PCGF3: variants seen among roughly 807,000 people sequenced by gnomAD.
PCGF3 encodes polycomb group RING finger protein 3.
A neutral mutation model predicts 33.1 loss-of-function variants in PCGF3; 7 were observed. That is an observed-to-expected ratio of 0.21 (90% CI 0.12 to 0.40). The LOEUF is 0.40. PCGF3 is among the 10% of genes least tolerant of loss of function. PCGF3 has a pLI of 1.00. For missense variants in PCGF3, 211 were observed against 313.3 expected (o/e 0.67, Z 2.46); for synonymous variants, 153 against 121.3 (o/e 1.26, Z -1.72).
At chr4:735,534 G>A (rs1396085005) in intron 5 of PCGF3, among the ~76,000 whole-genome samples, 1 of 132,958 alleles carries the variant, frequency 7.5e-6, no homozygotes, top group Non-Finnish European at 1.7e-5. Flanking sequence ...GACAGAGCGA[G>A]ACTCTGTCTC....
intron 6 of PCGF3, among the ~76,000 whole-genome samples, chr4:741,347 T>G (rs1030167568): frequency 8.5e-5 from 13 of 152,252 alleles, no homozygotes; most frequent in Non-Finnish European, 1.6e-4. Flanking sequence ...GCTCCTCAGA[T>G]CAGGCTGGAC....
In PCGF3 at chr4:721,625, G is replaced by A. The variant is rs948354157; in HGVS notation, c.-189-9005G>A. Among the ~76,000 whole-genome samples, 3 of 152,134 alleles carry A rather than the reference G, an allele frequency of 2.0e-5. No homozygotes were observed. Among genetic ancestry groups the A allele is most frequent in the Non-Finnish European group, 2.9e-5 (2 of 68,020 alleles). On this transcript the variant is annotated intron_variant, in intron 1 of 10. Coordinates refer to ENST00000362003, the Ensembl canonical transcript of PCGF3. The surrounding 1 kb of genome is among the most constrained non-coding windows in gnomAD (Gnocchi z 4.1). Reference sequence around the variant, plus strand: ...CAGGACAGAGAAGCTCCTGGTGAGCGGGGCTGCTGAACGCAGGCCCCAGGG... The same window carrying A: ...CAGGACAGAGAAGCTCCTGGTGAGCAGGGCTGCTGAACGCAGGCCCCAGGG...
chr4:721,753 G>A lies in PCGF3; in HGVS notation c.-189-8877G>A, dbSNP rs1743085518. Among the ~76,000 whole-genome samples, 2 of 102,442 alleles carry A rather than the reference G, an allele frequency of 2.0e-5. No individual in the cohort carries two copies. Among genetic ancestry groups the A allele is most frequent in the South Asian group, 7.1e-4 (2 of 2,802 alleles). 67.2% of individuals were successfully genotyped at this position (102,442 alleles called of 152,430 possible). On this transcript the variant is annotated intron_variant, in intron 1 of 10. Transcript: ENST00000362003. The surrounding 1 kb of genome is among the most constrained non-coding windows in gnomAD (Gnocchi z 4.1). Reference sequence around the variant, plus strand: ...GTCTCTGTGTATGGGCATGGGGAGGGGCCTGTGGGAGGTGGATGGGTTGGG... The same window carrying A: ...GTCTCTGTGTATGGGCATGGGGAGGAGCCTGTGGGAGGTGGATGGGTTGGG...
intron 1 of PCGF3, among the ~76,000 whole-genome samples, chr4:728,113 A>G (rs1381103414): frequency 6.6e-6 from 1 of 152,204 alleles, no homozygotes. Flanking sequence ...CAAGTTCATC[A>G]TATCTTGTCC....
At chr4:749,136 A>AT (rs1744399964) in intron 8 of PCGF3, among the ~76,000 whole-genome samples, 1 of 152,242 alleles carries the variant, frequency 6.6e-6, no homozygotes, top group Non-Finnish European at 1.5e-5. Flanking sequence ...AAAAGGGCCA[A>AT]TTTTTTTAAA....
intron 9 of PCGF3, among the ~76,000 whole-genome samples, chr4:763,375 AGT>A (rs1011077890): frequency 6.6e-6 from 1 of 152,030 alleles, no homozygotes; most frequent in Non-Finnish European, 1.5e-5. Flanking sequence ...TCCAGGGAAG[AGT>A]GTGAGGTTTG....
At chr4:758,382 G>C (rs11248038) in intron 8 of PCGF3, among the ~76,000 whole-genome samples, 121,076 of 135,940 alleles carry the variant, frequency 0.89, 53,567 homozygotes, top group African/African-American at 0.95. Context: ...GCCCCTCTCC[G>C]GAGTTCTTCT....
intron 8 of PCGF3, among the ~76,000 whole-genome samples, chr4:754,837 C>A (rs889066647): frequency 6.6e-6 from 1 of 152,186 alleles, no homozygotes; most frequent in African/African-American, 2.4e-5. Context: ...ACCAGGCAGG[C>A]GTCTGAGCCA....
intron 8 of PCGF3, among the ~76,000 whole-genome samples, chr4:750,750 C>T (rs17721766): frequency 0.031 from 4,758 of 152,172 alleles, 129 homozygotes; most frequent in South Asian, 0.086. Flanking sequence ...TGTAACCTCG[C>T]GGTGTTGCTT....
At chr4:756,997 A>G (rs567317806) in intron 8 of PCGF3, 3 of 152,336 alleles carry the variant, frequency 2.0e-5, no homozygotes, top group East Asian at 1.9e-4. Flanking sequence ...GTGTATTTAA[A>G]TAGGTAATTC....
At chr4:733,600 T>C in intron 3 of PCGF3, 72 bp from the exon 4 acceptor site, 2 of 1,485,376 alleles carry the variant, frequency 1.3e-6, no homozygotes, top group South Asian at 2.6e-5. Context: ...TGGGGGCGGC[T>C]GTCAGAGCTC....
chr4:735,756 G>A (rs918497062), intron 5 of PCGF3, among the ~76,000 whole-genome samples: 4 of 152,220 alleles, frequency 2.6e-5, no homozygotes, highest in Non-Finnish European at 5.9e-5. Context: ...TTCTCCCTGC[G>A]CTGTGCTCTT....
chr4:748,041 G>T (rs574723889), intron 8 of PCGF3, among the ~76,000 whole-genome samples: 1 of 152,170 alleles, frequency 6.6e-6, no homozygotes, highest in African/African-American at 2.4e-5. Context: ...TTACGTGAAA[G>T]AAAGTAAAGC....
At chr4:762,197 TTAAA>T (rs1379433557) in intron 9 of PCGF3, 8 of 614,418 alleles carry the variant, frequency 1.3e-5, no homozygotes, top group African/African-American at 2.0e-5. Flanking sequence ...GTAGATATAA[TTAAA>T]TAAAGGATTT....
At chr4:723,136 C>T (rs549684397) in intron 1 of PCGF3, among the ~76,000 whole-genome samples, 3 of 150,568 alleles carry the variant, frequency 2.0e-5, no homozygotes, top group African/African-American at 7.3e-5. Context: ...CGGGTCCACA[C>T]TCAGTCATCG....
At chr4:728,425 G>A (rs1221822648) in intron 1 of PCGF3, among the ~76,000 whole-genome samples, 2 of 151,556 alleles carry the variant, frequency 1.3e-5, no homozygotes, top group Non-Finnish European at 2.9e-5. Flanking sequence ...GTGCGTGGGG[G>A]GTGGCGTGCA....
At chr4:730,379 C>G (rs553193923) in intron 1 of PCGF3, among the ~76,000 whole-genome samples, 1 of 152,278 alleles carries the variant, frequency 6.6e-6, no homozygotes, top group African/African-American at 2.4e-5. Context: ...TGCCCCCCCA[C>G]CCCCGTGGGC....
chr4:734,290 G>T, intron 4 of PCGF3: 1 of 1,457,298 alleles, frequency 6.9e-7, no homozygotes, highest in Non-Finnish European at 9.1e-7. Context: ...CTGAGGCTCG[G>T]CTCTTATGCT....
chr4:717,958 G>T (rs1742925713), intron 1 of PCGF3, among the ~76,000 whole-genome samples: 1 of 152,232 alleles, frequency 6.6e-6, no homozygotes, highest in African/African-American at 2.4e-5. Context: ...TCCCGTGGGT[G>T]CTGCGTTGAG....
Sources: gnomAD v4.1 joint callset for allele counts (sites outside exome capture counted in the v4.1 genomes callset) on GRCh38, gnomAD v4.1.1 for gene constraint, Gnocchi (gnomAD v3.1) non-coding constraint, MANE v1.5 for transcripts, NCBI Gene and HGNC (gene_info 2026-07-23, HGNC 2026-07-21) for gene names.